The following RYR3 variants were observed in gnomAD, a reference collection of about 807,000 sequenced individuals.
RYR3 encodes ryanodine receptor 3.
A neutral mutation model predicts 584.3 loss-of-function variants in RYR3; 207 were observed. The observed-to-expected ratio is 0.35, with a 90% CI of 0.32 to 0.40. The LOEUF (loss-of-function observed/expected upper bound fraction) is 0.40, where lower values mean the gene tolerates loss of function less well. Among genes scored for constraint, RYR3 ranks in the 10% least tolerant of loss-of-function variants. RYR3 has a pLI of 1.00. For missense variants in RYR3, 5,616 were observed against 6,089.2 expected, an observed-to-expected ratio of 0.92 and a Z score of 2.59; for synonymous variants, 2,416 against 2,248.5, an observed-to-expected ratio of 1.07 and a Z score of -2.11.
intron 23 of RYR3, among the ~76,000 whole-genome samples, 162 bp from the exon 24 acceptor site, chr15:33,632,787 T>C (rs1377032044): frequency 2.6e-5 from 4 of 152,234 alleles, no homozygotes; most frequent in African/African-American, 7.2e-5. Flanking sequence ...GCTTCATCTA[T>C]AGACTTGAAA....
At chr15:33,577,513 G>A (rs2058359006) in intron 12 of RYR3, among the ~76,000 whole-genome samples, 2 of 152,172 alleles carry the variant, frequency 1.3e-5, no homozygotes, top group Admixed American at 1.3e-4. Context: ...AACAAGCAAT[G>A]GGGAAGTGAT....
chr15:33,750,130 G>A (rs1199823165), intron 56 of RYR3, 33 bp from the exon 57 acceptor site: 2 of 1,607,960 alleles, frequency 1.2e-6, no homozygotes, highest in Non-Finnish European at 1.7e-6. Context: ...CAAAGGAAGA[G>A]CCAAATGTCA....
At position 33,826,705 on chromosome 15, in the gene RYR3, G is replaced by A. The variant is rs374140172; in HGVS notation, c.11198G>A (p.Arg3733His). 1.1e-5 allele frequency: 17 copies of A among 1,613,806 alleles called. No individual in the cohort carries two copies. Among genetic ancestry groups the A allele is most frequent in the African/African-American group, 2.7e-5 (2 of 74,930 alleles). ...EKVLQNDEFT[R>H]DLFRFLQLLC... Reference sequence around the variant, plus strand: ...GTACTCCAGAATGACGAGTTCACGCGTGATCTCTTTAGATTCCTACAGTTA... The same window carrying A: ...GTACTCCAGAATGACGAGTTCACGCATGATCTCTTTAGATTCCTACAGTTA... The change falls in exon 84 of 104, where the codon CGT becomes CAT. Residue 3733 changes from arginine (R) to histidine (H), a missense_variant. This residue lies in a region of RYR3 where 954 missense variants were observed against 1,132.2 expected (regional missense o/e 0.84). Coordinates refer to ENST00000634891, the MANE Select transcript of RYR3 (RefSeq NM_001036.6).
At chr15:33,371,801 G>A (rs894488299) in intron 1 of RYR3, among the ~76,000 whole-genome samples, 1 of 152,198 alleles carries the variant, frequency 6.6e-6, no homozygotes, top group African/African-American at 2.4e-5. Flanking sequence ...AGCACATCCT[G>A]TATCCTAGAT....
At chr15:33,770,320 C>T (rs2073464974) in intron 62 of RYR3, among the ~76,000 whole-genome samples, 1 of 152,166 alleles carries the variant, frequency 6.6e-6, no homozygotes, top group South Asian at 2.1e-4. Flanking sequence ...GAAATCTTTA[C>T]TCCAAGAAAC....
Position 33,645,315 on chromosome 15 carries a change from TA to T in RYR3, c.3765+797del, listed in dbSNP as rs573202603. 5.9e-3 allele frequency among the ~76,000 whole-genome samples: 897 copies of T among 152,292 alleles called. 5 individuals carry two copies. The highest frequency in any genetic ancestry group is 9.3e-3 in the Non-Finnish European group (632 of 68,024). ...CAGACTATGGTTTTTCCATGGTGGA[TA>T]GGGGGAGAGTGTTGATTTAAAAAAA... On this transcript the variant is annotated intron_variant, in intron 28 of 103. Transcript: ENST00000634891.
intron 2 of RYR3, among the ~76,000 whole-genome samples, chr15:33,484,241 G>T (rs2050218803): frequency 1.3e-5 from 2 of 151,994 alleles, no homozygotes; most frequent in African/African-American, 2.4e-5. Flanking sequence ...TTTTAAGGTT[G>T]TAAAGAAAAA....
chr15:33,832,628 G>A (rs1237416777), intron 86 of RYR3, among the ~76,000 whole-genome samples: 2 of 148,308 alleles, frequency 1.3e-5, no homozygotes, highest in African/African-American at 5.0e-5. Context: ...TTGCACTACA[G>A]CATGGGTGAC....
intron 1 of RYR3, among the ~76,000 whole-genome samples, chr15:33,466,305 AG>A (rs534947092): frequency 1.4e-4 from 22 of 152,370 alleles, no homozygotes; most frequent in African/African-American, 5.0e-4. Flanking sequence ...GCTAGTGAAC[AG>A]AAAAAACAAA....
chr15:33,848,853 T>TTTTTTTTTTA (rs2078897418), intron 94 of RYR3, among the ~76,000 whole-genome samples: 1 of 143,588 alleles, frequency 7.0e-6, no homozygotes, highest in African/African-American at 2.6e-5. Context: ...TTTTTTTTTT[T>TTTTTTTTTTA]GAGACAGAGT....
At chr15:33,706,844 G>A in intron 42 of RYR3, 75 bp from the exon 43 acceptor site, 1 of 1,410,536 alleles carries the variant, frequency 7.1e-7, no homozygotes, top group Non-Finnish European at 9.7e-7. Context: ...ACCAACACTT[G>A]TTATTTTTTG....
chr15:33,723,955 T>C (rs1567027453), intron 44 of RYR3, 110 bp from the exon 45 acceptor site: 1 of 638,824 alleles, frequency 1.6e-6, no homozygotes, highest in East Asian at 2.7e-5. Flanking sequence ...AGGGAAAGGA[T>C]GTATGATATG....
chr15:33,494,102 A>ATT (rs5811763), intron 2 of RYR3, among the ~76,000 whole-genome samples: 13 of 150,504 alleles, frequency 8.6e-5, no homozygotes, highest in African/African-American at 3.2e-4. Context: ...GATTGTGGCT[A>ATT]TTTTTTTTTT....
chr15:33,748,426 G>T, intron 54 of RYR3, 42 bp from the exon 55 acceptor site: 1 of 1,598,978 alleles, frequency 6.3e-7, no homozygotes, highest in Non-Finnish European at 8.6e-7. Context: ...TAAGAACAAG[G>T]AAAATAATGG....
At chr15:33,489,330 A>G (rs2050768698) in intron 2 of RYR3, among the ~76,000 whole-genome samples, 2 of 152,162 alleles carry the variant, frequency 1.3e-5, no homozygotes, top group South Asian at 4.1e-4. Flanking sequence ...AGTGCCCAGT[A>G]GTTATTTTTT....
In RYR3 at chr15:33,427,334, T is replaced by C. The variant is rs144847430; in HGVS notation, c.52-46085T>C. ...CAGGCCAAAATGATTCAAAGCTGGG[T>C]GCAATAGTGTGCACCTATAGTCCCA... On this transcript the variant is annotated intron_variant, in intron 1 of 103. Transcript: ENST00000634891. Among the ~76,000 whole-genome samples, 105 of 152,262 alleles carry C rather than the reference T, an allele frequency of 6.9e-4. 2 individuals are homozygous for C. In the East Asian group the frequency reaches 0.018, roughly 25 times the overall value.
At chr15:33,856,555 G>C (rs966506993) in intron 98 of RYR3, 8 of 152,372 alleles carry the variant, frequency 5.3e-5, no homozygotes, top group African/African-American at 1.7e-4. Flanking sequence ...ATAATTCTTA[G>C]AGTAACTTCA....
At chr15:33,678,345 A>G (rs1325044132) in intron 38 of RYR3, among the ~76,000 whole-genome samples, 1 of 152,098 alleles carries the variant, frequency 6.6e-6, no homozygotes, top group Non-Finnish European at 1.5e-5. Context: ...TGGTTGTTTG[A>G]AAGTGTATAG....
At chr15:33,482,743 T>G (rs2050088593) in intron 2 of RYR3, among the ~76,000 whole-genome samples, 1 of 152,152 alleles carries the variant, frequency 6.6e-6, no homozygotes, top group African/African-American at 2.4e-5. Context: ...CTGAATGATG[T>G]GTTTGAGGGT....
Sources: gnomAD v4.1 joint callset for allele counts (sites outside exome capture counted in the v4.1 genomes callset) on GRCh38, gnomAD v4.1.1 for gene constraint, gnomAD v4.1.1 regional missense constraint, MANE v1.5 for transcripts, NCBI Gene and HGNC (gene_info 2026-07-23, HGNC 2026-07-21) for gene names.